The following BDNF variants were observed in gnomAD, a reference collection of about 807,000 sequenced individuals.
BDNF encodes the protein neurotrophic factor BDNF precursor form.
BDNF carries 1 observed loss-of-function variant against 19.5 expected under a neutral mutation model. The observed-to-expected ratio is 0.05, with a 90% confidence interval of 0.02 to 0.24. BDNF has a LOEUF of 0.24. Ranked by LOEUF, BDNF falls within the 10% of genes least tolerant of loss-of-function variation. The pLI is 1.00. For synonymous variants in BDNF, 100 were observed against 121.6 expected (o/e 0.82, Z 1.17); for missense variants, 195 against 317.6 (o/e 0.61, Z 2.93).
intron 1 of BDNF, among the ~76,000 whole-genome samples, chr11:27,708,328 C>T (rs538747843): frequency 6.6e-6 from 1 of 152,170 alleles, no homozygotes; most frequent in Non-Finnish European, 1.5e-5. Context: ...GCCAAATTTC[C>T]ATTACCTTCC....
intron 1 of BDNF, among the ~76,000 whole-genome samples, chr11:27,692,968 C>T (rs536753335): frequency 1.3e-5 from 2 of 152,300 alleles, no homozygotes; most frequent in South Asian, 2.1e-4. Context: ...CTCAACCCAA[C>T]ATTCAAAAAC....
chr11:27,668,009 T>G (rs1854669886), intron 1 of BDNF, among the ~76,000 whole-genome samples: 3 of 152,160 alleles, frequency 2.0e-5, no homozygotes, highest in African/African-American at 7.2e-5. Context: ...ATTGACTACA[T>G]AGTTGGAAGT....
intron 1 of BDNF, among the ~76,000 whole-genome samples, chr11:27,684,478 C>T (rs759720761): frequency 2.0e-5 from 3 of 152,078 alleles, no homozygotes; most frequent in Non-Finnish European, 2.9e-5. Context: ...TGTTTTGTGC[C>T]GGTTTTCAAA....
At chr11:27,714,606 A>G (rs142474098) in intron 1 of BDNF, among the ~76,000 whole-genome samples, 3,562 of 152,266 alleles carry the variant, frequency 0.023, 67 homozygotes, top group Non-Finnish European at 0.038. Flanking sequence ...TCTGGGTTCA[A>G]ATATGTTACT....
At chr11:27,666,463 A>G (rs182262397) in intron 1 of BDNF, among the ~76,000 whole-genome samples, 42 of 152,298 alleles carry the variant, frequency 2.8e-4, no homozygotes, top group African/African-American at 7.9e-4. Context: ...ATGATCAGTA[A>G]TAACAAACTC....
chr11:27,711,080 A>G (rs1160847510), intron 1 of BDNF, among the ~76,000 whole-genome samples: 2 of 152,224 alleles, frequency 1.3e-5, no homozygotes, highest in East Asian at 3.8e-4. Context: ...TAGTGATTAA[A>G]AAAAGGGCTT....
At chr11:27,664,343 A>T (rs557427951) in intron 1 of BDNF, among the ~76,000 whole-genome samples, 23 of 150,934 alleles carry the variant, frequency 1.5e-4, no homozygotes, top group African/African-American at 4.6e-4. Context: ...TTCCAGTCTT[A>T]CTTACCTCCC....
chr11:27,688,616 T>C lies in BDNF; in HGVS notation c.-22+11548A>G, dbSNP rs181922343. 1.2e-3 allele frequency among the ~76,000 whole-genome samples: 178 copies of C among 152,302 alleles called. 1 individual carries two copies. Among genetic ancestry groups the C allele is most frequent in the Middle Eastern group, 3.4e-3 (1 of 294 alleles). ...GTGTAGTATCTGGGCCAGATAGCACTGTCCCTCATGGCACAGTCCCTCAGG... is the reference window on the plus strand; with the variant it reads ...GTGTAGTATCTGGGCCAGATAGCACCGTCCCTCATGGCACAGTCCCTCAGG... On this transcript the variant is annotated intron_variant, in intron 1 of 1. Coordinates refer to ENST00000356660, the MANE Select transcript of BDNF (RefSeq NM_001709.5).
At chr11:27,703,332 A>G (rs957104182), upstream of BDNF, among the ~76,000 whole-genome samples, 3 of 152,228 alleles carry the variant, frequency 2.0e-5, no homozygotes, top group African/African-American at 7.2e-5. Flanking sequence ...GGACTGGAGG[A>G]ACCCTACTCC....
chr11:27,712,873 T>C (rs962369), intron 1 of BDNF, among the ~76,000 whole-genome samples: 36,202 of 150,562 alleles, frequency 0.24, 4,807 homozygotes, highest in South Asian at 0.35. Flanking sequence ...GCCAAGAGAG[T>C]TGAGTCCATG....
chr11:27,701,288 C>T, upstream of BDNF: 3 of 1,130,482 alleles, frequency 2.7e-6, no homozygotes, highest in Non-Finnish European at 3.3e-6. Context: ...AGAAAGAAAA[C>T]AAACCCACCT....
intron 1 of BDNF, among the ~76,000 whole-genome samples, chr11:27,662,060 T>C (rs1443929725): frequency 6.6e-6 from 1 of 152,170 alleles, no homozygotes; most frequent in Admixed American, 6.5e-5. Flanking sequence ...TGGAGTGCAA[T>C]GGTGCAATCT....
chr11:27,671,785 C>G (rs1855422575), intron 1 of BDNF, among the ~76,000 whole-genome samples: 1 of 152,126 alleles, frequency 6.6e-6, no homozygotes, highest in Non-Finnish European at 1.5e-5. Flanking sequence ...TGCAGAATCT[C>G]AACTTCCCCA....
upstream of BDNF, chr11:27,700,519 C>CGGG: frequency 3.9e-6 from 3 of 759,746 alleles, no homozygotes; most frequent in Non-Finnish European, 4.4e-6. Context: ...CAAACGGCGC[C>CGGG]GCCCCCCCCC....
intron 1 of BDNF, among the ~76,000 whole-genome samples, chr11:27,667,161 CA>C (rs1462019984): frequency 6.6e-6 from 1 of 152,114 alleles, no homozygotes; most frequent in African/African-American, 2.4e-5. Context: ...CATATCCAGC[CA>C]AACTAAGCTT....
Position 27,658,070 on chromosome 11 carries a change from T to C in BDNF, c.495A>G (p.Thr165=). ...TTGATACAGGGACCTTTTCAAGGAC[T>C]GTGACCGTCCCGCCCGACATGTCCA... ...TAVDMSGGTV[T]VLEKVPVSKG... is the part of the protein sequence containing the mutation. The change falls in exon 2 of 2, where the codon ACA becomes ACG. Residue 165 remains threonine, a synonymous_variant. Transcript: ENST00000356660. This position sits in a 1 kb window ranked among gnomAD's most constrained non-coding sequence, Gnocchi z 5.7. 1 of 1,614,194 alleles carries C rather than the reference T, an allele frequency of 6.2e-7. No individual in the cohort carries two copies. Among genetic ancestry groups the C allele is most frequent in the Non-Finnish European group, 8.5e-7 (1 of 1,180,038 alleles).
At chr11:27,667,505 G>A (rs542606814) in intron 1 of BDNF, among the ~76,000 whole-genome samples, 1 of 152,304 alleles carries the variant, frequency 6.6e-6, no homozygotes, top group East Asian at 1.9e-4. Flanking sequence ...CCATCAGTGT[G>A]CTGTATTCAG....
chr11:27,665,647 T>C (rs898787461), intron 1 of BDNF, among the ~76,000 whole-genome samples: 3 of 152,158 alleles, frequency 2.0e-5, no homozygotes, highest in Non-Finnish European at 4.4e-5. Flanking sequence ...GAGGGTCCCA[T>C]GCCCACGGAG....
At chr11:27,667,123 A>C (rs1854489755) in intron 1 of BDNF, among the ~76,000 whole-genome samples, 1 of 152,168 alleles carries the variant, frequency 6.6e-6, no homozygotes, top group African/African-American at 2.4e-5. Context: ...CAACATTCTT[A>C]AAGAAAAGAA....
Sources: allele counts gnomAD v4.1 joint callset (sites outside exome capture counted in the v4.1 genomes callset), GRCh38; gene constraint gnomAD v4.1.1; non-coding constraint Gnocchi (gnomAD v3.1); transcripts MANE v1.5; gene names NCBI Gene and HGNC (gene_info 2026-07-23, HGNC 2026-07-21).